The following WDPCP variants were observed in gnomAD, a reference collection of about 807,000 sequenced individuals.
WDPCP encodes WD repeat-containing and planar cell polarity effector protein fritz homolog.
WDPCP carries 71 observed loss-of-function variants against 93.1 expected under a neutral mutation model. The observed-to-expected ratio is 0.76, with a 90% CI of 0.63 to 0.93. The LOEUF (loss-of-function observed/expected upper bound fraction) is 0.93. Among genes scored for constraint, WDPCP ranks in the 40% least tolerant of loss-of-function variants. The pLI is 0.00. For synonymous variants in WDPCP, 315 were observed against 315.0 expected, an observed-to-expected ratio of 1.00 and a Z score of 0.00; for missense variants, 844 against 887.4, an observed-to-expected ratio of 0.95 and a Z score of 0.62.
chr2:63,195,646 A>T (rs924327944), intron 14 of WDPCP, among the ~76,000 whole-genome samples: 18 of 151,990 alleles, frequency 1.2e-4, no homozygotes, highest in Non-Finnish European at 1.8e-4. Flanking sequence ...CAAATATATT[A>T]AAAAAAAGTT....
chr2:63,260,079 G>GAGTT (rs2104777167), intron 13 of WDPCP, among the ~76,000 whole-genome samples: 1 of 152,296 alleles, frequency 6.6e-6, no homozygotes, highest in African/African-American at 2.4e-5. Flanking sequence ...GGGTGAATAA[G>GAGTT]AGTCACTATA....
At chr2:63,606,508 T>G (rs1156893247) in intron 3 of WDPCP, among the ~76,000 whole-genome samples, 1 of 152,232 alleles carries the variant, frequency 6.6e-6, no homozygotes, top group Non-Finnish European at 1.5e-5. Flanking sequence ...GAAATTAATC[T>G]GGAAAGGAAG....
chr2:63,561,487 T>TA (rs35144678), intron 1 of WDPCP, among the ~76,000 whole-genome samples: 28,598 of 139,032 alleles, frequency 0.21, 2,901 homozygotes, highest in Middle Eastern at 0.29. Flanking sequence ...AAATAATAAT[T>TA]AAAAAAAAAA....
chr2:63,817,784 G>C (rs1450434298), intron 1 of WDPCP, among the ~76,000 whole-genome samples: 2 of 152,180 alleles, frequency 1.3e-5, no homozygotes, highest in East Asian at 1.9e-4. Flanking sequence ...ATTATAGTCT[G>C]TGACTACATT....
chr2:63,457,427 G>A (rs1338728663), intron 6 of WDPCP, among the ~76,000 whole-genome samples: 1 of 152,050 alleles, frequency 6.6e-6, no homozygotes, highest in African/African-American at 2.4e-5. Context: ...CTATTGAAGA[G>A]GAATGAATTC....
intron 2 of WDPCP, among the ~76,000 whole-genome samples, chr2:63,787,988 G>C (rs1448305487): frequency 1.3e-5 from 2 of 152,070 alleles, no homozygotes; most frequent in African/African-American, 4.8e-5. Flanking sequence ...GCAGTGAGCT[G>C]AGATCATGTG....
intron 2 of WDPCP, among the ~76,000 whole-genome samples, chr2:63,794,185 C>T (rs1670581715): frequency 1.3e-5 from 2 of 152,112 alleles, no homozygotes; most frequent in African/African-American, 2.4e-5. Flanking sequence ...TCCTTTATTC[C>T]TTAAGGTTGG....
intron 2 of WDPCP, among the ~76,000 whole-genome samples, chr2:63,779,816 A>C (rs1422201085): frequency 6.6e-6 from 1 of 152,184 alleles, no homozygotes; most frequent in Non-Finnish European, 1.5e-5. Flanking sequence ...AACCTCACTC[A>C]GCCTCAATTT....
At chr2:63,620,607 T>C (rs777420054) in intron 3 of WDPCP, among the ~76,000 whole-genome samples, 10 of 152,200 alleles carry the variant, frequency 6.6e-5, no homozygotes, top group Non-Finnish European at 1.3e-4. Flanking sequence ...TTCAGCAGAT[T>C]TAAACGTTCC....
At chr2:63,336,413 C>T (rs768176671) in intron 12 of WDPCP, among the ~76,000 whole-genome samples, 2 of 152,178 alleles carry the variant, frequency 1.3e-5, no homozygotes, top group African/African-American at 2.4e-5. Context: ...GTGGTGAAAG[C>T]GAACATCCTT....
chr2:63,203,378 CT>C (rs752595702), intron 14 of WDPCP, among the ~76,000 whole-genome samples: 3 of 152,136 alleles, frequency 2.0e-5, no homozygotes, highest in Admixed American at 1.3e-4. Context: ...TAAAGTCACC[CT>C]GCTGTGCTGT....
At chr2:63,284,008 C>T (rs963959483) in intron 13 of WDPCP, among the ~76,000 whole-genome samples, 4 of 151,586 alleles carry the variant, frequency 2.6e-5, no homozygotes, top group African/African-American at 9.7e-5. Context: ...GAAAATATAT[C>T]GGATAGATAC....
chr2:63,277,653 C>T lies in WDPCP; in HGVS notation c.1813-18244G>A, dbSNP rs191789082. Among the ~76,000 whole-genome samples, 44 of 152,116 alleles carry T rather than the reference C, an allele frequency of 2.9e-4. 1 individual carries two copies. The highest frequency in any genetic ancestry group is 1.2e-3 in the Admixed American group (19 of 15,282). On this transcript the variant is annotated intron_variant, in intron 13 of 17. Transcript: ENST00000272321. Reference sequence around the variant, plus strand: ...TTAAGACAACAGCAGTTTAAAAAGACGAAGAGAGACATTATATAATGATAA... The same window carrying T: ...TTAAGACAACAGCAGTTTAAAAAGATGAAGAGAGACATTATATAATGATAA...
intron 3 of WDPCP, among the ~76,000 whole-genome samples, chr2:63,633,422 A>C (rs1306708711): frequency 1.3e-5 from 2 of 152,228 alleles, no homozygotes; most frequent in Non-Finnish European, 2.9e-5. Flanking sequence ...TAATATAAAA[A>C]CAAAAAATGT....
intron 12 of WDPCP, among the ~76,000 whole-genome samples, chr2:63,321,530 C>T: frequency 6.6e-6 from 1 of 152,000 alleles, no homozygotes; most frequent in East Asian, 1.9e-4. Flanking sequence ...AAATTAACTA[C>T]TGGTTTGCTT....
At chr2:63,175,599 C>A (rs1285657058) in intron 14 of WDPCP, among the ~76,000 whole-genome samples, 1 of 152,078 alleles carries the variant, frequency 6.6e-6, no homozygotes, top group Non-Finnish European at 1.5e-5. Flanking sequence ...CCCATTTGCC[C>A]CTCTCCCAGT....
intron 12 of WDPCP, among the ~76,000 whole-genome samples, chr2:63,349,431 C>G (rs1689423546): frequency 6.6e-6 from 1 of 151,978 alleles, no homozygotes. Context: ...CTATTCTAAG[C>G]TGTATCAAAT....
At chr2:63,690,039 T>G (rs1668868109) in intron 2 of WDPCP, among the ~76,000 whole-genome samples, 2 of 152,158 alleles carry the variant, frequency 1.3e-5, no homozygotes. Context: ...TACCCCTGAA[T>G]GAGTGTTTAA....
At position 63,496,024 on chromosome 2, in the gene WDPCP, G is replaced by A. The variant is rs146592564; in HGVS notation, c.76-3084C>T. On this transcript the variant is annotated intron_variant, in intron 1 of 17. Transcript: ENST00000272321. ...AGGTGTATACTTCCTCTGACATTGA[G>A]CATCAAAAGTCACCAACTTCTAGAC... 6.6e-5 allele frequency among the ~76,000 whole-genome samples: 10 copies of A among 152,208 alleles called. No individual in the cohort carries two copies. In the East Asian group the frequency reaches 1.7e-3, roughly 26 times the overall value.
Sources: gnomAD v4.1 joint callset for allele counts (sites outside exome capture counted in the v4.1 genomes callset) on GRCh38, gnomAD v4.1.1 for gene constraint, MANE v1.5 for transcripts, NCBI Gene and HGNC (gene_info 2026-07-23, HGNC 2026-07-21) for gene names.